Variants in KCNG3 observed in about 807,000 individuals in gnomAD.
KCNG3 encodes the protein potassium voltage-gated channel modifier subfamily G member 3.
KCNG3 carries 15 observed loss-of-function variants against 29.0 expected under a neutral mutation model. That is an observed-to-expected ratio of 0.52 (90% confidence interval 0.35 to 0.80). The LOEUF (loss-of-function observed/expected upper bound fraction) is 0.80, where lower values mean the gene tolerates loss of function less well. Ranked by LOEUF, KCNG3 falls within the 30% of genes least tolerant of loss-of-function variation. The pLI, the probability that KCNG3 is intolerant of heterozygous loss-of-function variation, is 0.01. For synonymous variants in KCNG3, 322 were observed against 248.9 expected (o/e 1.29, Z -2.76); for missense variants, 512 against 605.7 (o/e 0.85, Z 1.62).
chr2:42,397,244 CAA>C, the KCNG3 span, among the ~76,000 whole-genome samples: 7 of 99,134 alleles, frequency 7.1e-5, no homozygotes, highest in Admixed American at 1.1e-4. Flanking sequence ...AACTCCATCT[CAA>C]AAAAAAAAAA....
intron 1 of KCNG3, among the ~76,000 whole-genome samples, chr2:42,492,023 C>T (rs1441361288): frequency 6.6e-6 from 1 of 152,170 alleles, no homozygotes; most frequent in East Asian, 1.9e-4. Context: ...AAAGTGCTAT[C>T]ACCACTTCAA....
rs903584633 is a variant in KCNG3 at position 42,443,684 on chromosome 2, G to A, written c.*250C>T. 3.6e-5 allele frequency: 13 copies of A among 363,206 alleles called. No homozygotes were observed. The highest frequency in any genetic ancestry group is 1.3e-4 in the South Asian group (1 of 7,826). 22.5% of individuals were successfully genotyped at this position (363,206 alleles called of 1,614,324 possible). On this transcript the variant is annotated 3_prime_UTR_variant, in exon 2 of 2. Transcript: ENST00000306078. ...AAAATGTGTAATCATTCAAGGAAAC[G>A]GGAAAACAAGTCTAAATAAAACCGG...
the KCNG3 span, among the ~76,000 whole-genome samples, chr2:42,418,939 A>G: frequency 3.3e-5 from 5 of 152,242 alleles, no homozygotes; most frequent in African/African-American, 1.2e-4. Flanking sequence ...TATGGCTCAT[A>G]GTGATTAATG....
At chr2:42,469,348 C>A (rs976950483) in intron 1 of KCNG3, among the ~76,000 whole-genome samples, 1 of 148,266 alleles carries the variant, frequency 6.7e-6, no homozygotes, top group Non-Finnish European at 1.5e-5. Context: ...ACCCAAGAGG[C>A]GGAGGTTGCA....
intron 1 of KCNG3, among the ~76,000 whole-genome samples, chr2:42,468,120 T>A (rs1673189904): frequency 2.0e-5 from 3 of 151,824 alleles, no homozygotes; most frequent in Admixed American, 2.0e-4. Flanking sequence ...CATTTAAAAA[T>A]AAAAATAAAA....
the KCNG3 span, among the ~76,000 whole-genome samples, chr2:42,389,392 T>C: frequency 1.3e-5 from 2 of 152,222 alleles, no homozygotes; most frequent in African/African-American, 4.8e-5. Context: ...TTACCAACTT[T>C]ACTCAGAGTG....
the KCNG3 span, among the ~76,000 whole-genome samples, chr2:42,419,341 G>T: frequency 1.4e-5 from 2 of 141,074 alleles, no homozygotes; most frequent in Non-Finnish European, 3.0e-5. Flanking sequence ...GGGTTCAAGC[G>T]ATTCTCCTGC....
chr2:42,397,587 A>G, the KCNG3 span, among the ~76,000 whole-genome samples: 2 of 152,234 alleles, frequency 1.3e-5, no homozygotes, highest in African/African-American at 2.4e-5. Context: ...CATGTAAGAA[A>G]GTATTGTGAT....
chr2:42,419,941 A>T, the KCNG3 span, among the ~76,000 whole-genome samples: 1 of 151,976 alleles, frequency 6.6e-6, no homozygotes, highest in Non-Finnish European at 1.5e-5. Context: ...ATGAGGACCC[A>T]GCTGGGCACG....
chr2:42,409,588 C>A, the KCNG3 span, among the ~76,000 whole-genome samples: 3 of 149,714 alleles, frequency 2.0e-5, no homozygotes, highest in Non-Finnish European at 4.4e-5. Context: ...CCTGTAGTCC[C>A]AGCTACTCGG....
rs994063053 is a variant in KCNG3, at chr2:42,493,424, C to T, written c.78G>A (p.Leu26=). 8 of 1,502,544 alleles carry T rather than the reference C, an allele frequency of 5.3e-6. No individual in the cohort carries two copies. The Admixed American group carries it at 1.7e-4, about 32-fold the overall frequency. The allele number at this position is 1,502,544 out of a possible 1,614,324, so 93.1% of individuals were successfully genotyped here. Reference sequence around the variant, plus strand: ...CGCGGCGCAGCGGGAAGTCCTTCAGCAGCTCCCGGGACAGCGAATACCGGG... The same window carrying T: ...CGCGGCGCAGCGGGAAGTCCTTCAGTAGCTCCCGGGACAGCGAATACCGGG... ...GGARYSLSRE[L]LKDFPLRRVS... The change falls in exon 1 of 2, where the codon CTG becomes CTA. Residue 26 remains leucine (L), a synonymous_variant. Transcript: ENST00000306078.
intron 1 of KCNG3, among the ~76,000 whole-genome samples, chr2:42,476,770 G>A (rs139476854): frequency 0.016 from 2,484 of 151,718 alleles, 64 homozygotes; most frequent in African/African-American, 0.057. Flanking sequence ...GATTACAGGT[G>A]TGAGCCACCA....
At chr2:42,395,821 G>A in the KCNG3 span, among the ~76,000 whole-genome samples, 1 of 151,872 alleles carries the variant, frequency 6.6e-6, no homozygotes, top group Admixed American at 6.6e-5. Flanking sequence ...AGGTGTGGTG[G>A]CACACACCTG....
the KCNG3 span, among the ~76,000 whole-genome samples, chr2:42,391,993 C>T: frequency 6.6e-6 from 1 of 152,132 alleles, no homozygotes. Flanking sequence ...TAAAATTTGG[C>T]CCCCTATTTT....
chr2:42,412,829 C>A, the KCNG3 span, among the ~76,000 whole-genome samples: 2 of 152,188 alleles, frequency 1.3e-5, no homozygotes, highest in African/African-American at 2.4e-5. Flanking sequence ...CCACACCTCA[C>A]CCCCAGCTAC....
At chr2:42,414,642 C>A in the KCNG3 span, among the ~76,000 whole-genome samples, 1 of 150,964 alleles carries the variant, frequency 6.6e-6, no homozygotes, top group African/African-American at 2.4e-5. Context: ...CTGAAAAATT[C>A]TTAGCTATTC....
chr2:42,477,388 T>TC (rs1673460119), intron 1 of KCNG3, among the ~76,000 whole-genome samples: 1 of 104,768 alleles, frequency 9.5e-6, no homozygotes, highest in Non-Finnish European at 1.7e-5. Context: ...CACATATATA[T>TC]ACACACACAC....
chr2:42,462,112 G>A (rs1673034546), intron 1 of KCNG3, among the ~76,000 whole-genome samples: 1 of 152,194 alleles, frequency 6.6e-6, no homozygotes, highest in South Asian at 2.1e-4. Context: ...ATTGAGTGGT[G>A]AGAATGCAAC....
At chr2:42,399,051 C>CTTTTTTTT in the KCNG3 span, among the ~76,000 whole-genome samples, 1 of 129,510 alleles carries the variant, frequency 7.7e-6, no homozygotes, top group Non-Finnish European at 1.6e-5. Flanking sequence ...CTTTTTTTTT[C>CTTTTTTTT]TTTTCTTTTT....
Sources: gnomAD v4.1 joint callset for allele counts (sites outside exome capture counted in the v4.1 genomes callset) on GRCh38, gnomAD v4.1.1 for gene constraint, MANE v1.5 for transcripts, NCBI Gene and HGNC (gene_info 2026-07-23, HGNC 2026-07-21) for gene names.